PTPRE: variants seen among roughly 807,000 people sequenced by gnomAD.
PTPRE encodes the protein protein tyrosine phosphatase receptor type E.
In PTPRE, 51 loss-of-function variants were observed where a neutral mutation model predicts 102.0. The ratio of observed to expected loss-of-function variants is 0.50; its 90% CI spans 0.40 to 0.63. The LOEUF is 0.63. Ranked by LOEUF, PTPRE falls within the 30% of genes least tolerant of loss-of-function variation. The pLI is 0.00. For synonymous variants in PTPRE, 345 were observed against 348.2 expected, an observed-to-expected ratio of 0.99 and a Z score of 0.10; for missense variants, 752 against 915.1, an observed-to-expected ratio of 0.82 and a Z score of 2.30.
At chr10:128,055,232 A>G (rs1210241683) in intron 6 of PTPRE, among the ~76,000 whole-genome samples, 3 of 152,172 alleles carry the variant, frequency 2.0e-5, no homozygotes, top group Admixed American at 1.3e-4. Context: ...GGCTCTTCAC[A>G]CTGTGCATTG....
At chr10:128,055,174 GC>G (rs1316723707) in intron 6 of PTPRE, among the ~76,000 whole-genome samples, 2 of 152,194 alleles carry the variant, frequency 1.3e-5, no homozygotes, top group African/African-American at 4.8e-5. Flanking sequence ...CCCGGGTCCA[GC>G]CGCTGGTCGG....
At chr10:128,023,324 A>G (rs1268547169) in intron 2 of PTPRE, among the ~76,000 whole-genome samples, 1 of 152,158 alleles carries the variant, frequency 6.6e-6, no homozygotes, top group Non-Finnish European at 1.5e-5. Context: ...GATAGTATAT[A>G]TACATAGTAT....
Position 128,046,854 on chromosome 10 carries a change from G to A in PTPRE, c.110-536G>A, listed in dbSNP as rs114518287. Among the ~76,000 whole-genome samples the A allele has an allele frequency of 2.0e-3, 308 of 152,302 alleles. 4 individuals carry two copies. Among genetic ancestry groups the A allele is most frequent in the African/African-American group, 7.0e-3 (289 of 41,568 alleles). On this transcript the variant is annotated intron_variant, in intron 3 of 20. Coordinates refer to ENST00000254667, the MANE Select transcript of PTPRE (RefSeq NM_006504.6). ...ACACAGTAAGAGGCCGGTGGTGGCTGGGCACTCGGCCTCTGACAGGTGGAA... is the reference window on the plus strand; with the variant it reads ...ACACAGTAAGAGGCCGGTGGTGGCTAGGCACTCGGCCTCTGACAGGTGGAA...
At chr10:128,020,304 T>C (rs1845773000) in intron 2 of PTPRE, among the ~76,000 whole-genome samples, 1 of 152,264 alleles carries the variant, frequency 6.6e-6, no homozygotes, top group African/African-American at 2.4e-5. Context: ...GTGGTACATC[T>C]GCACTAACAC....
Position 128,060,967 on chromosome 10 carries a change from A to C in PTPRE, c.540A>C (p.Gln180His), listed in dbSNP as rs1849535999. The change falls in exon 8 of 21, where the codon CAA becomes CAC. Residue 180 changes from glutamine to histidine, a missense_variant. Gln to His is a conservative substitution (Grantham distance 24). This residue lies in a region of PTPRE where 636 missense variants were observed against 824.4 expected (regional missense o/e 0.77). Coordinates refer to ENST00000254667, the MANE Select transcript of PTPRE (RefSeq NM_006504.6). ...PNDHSRVILS[Q>H]LDGIPCSDYI... ...ACCATTCTAGGGTGATTCTGAGCCA[A>C]CTGGATGGAATTCCCTGTTCAGACT... The C allele has an allele frequency of 3.1e-6, 5 of 1,614,010 alleles. No homozygotes were observed. In the South Asian group the frequency reaches 5.5e-5, roughly 18 times the overall value.
In PTPRE at chr10:127,961,156, C is replaced by T. The variant is rs892480270; in HGVS notation, c.-30-21118C>T. 2.6e-5 allele frequency among the ~76,000 whole-genome samples: 4 copies of T among 152,170 alleles called. No individual in the cohort carries two copies. The East Asian group carries it at 5.8e-4, about 22-fold the overall frequency. ...TTGCGAGGGGTCTTTCTCAGCCACACGTGTCCAGCATGTATGTGGCCTTCT... is the reference window on the plus strand; with the variant it reads ...TTGCGAGGGGTCTTTCTCAGCCACATGTGTCCAGCATGTATGTGGCCTTCT... On this transcript the variant is annotated intron_variant, in intron 1 of 20. Coordinates refer to ENST00000254667, the MANE Select transcript of PTPRE (RefSeq NM_006504.6).
chr10:128,019,278 G>T (rs1845673085), intron 2 of PTPRE, among the ~76,000 whole-genome samples: 1 of 152,258 alleles, frequency 6.6e-6, no homozygotes, highest in Non-Finnish European at 1.5e-5. Flanking sequence ...AGCTGGGGGA[G>T]TGAAGATGGC....
intron 2 of PTPRE, among the ~76,000 whole-genome samples, chr10:128,024,939 C>T (rs764982162): frequency 7.9e-5 from 12 of 151,906 alleles, no homozygotes; most frequent in Non-Finnish European, 1.2e-4. Flanking sequence ...GAGGATCACC[C>T]GAGGCCAGGA....
chr10:127,966,758 C>T (rs1248984076), intron 1 of PTPRE, among the ~76,000 whole-genome samples: 1 of 152,122 alleles, frequency 6.6e-6, no homozygotes, highest in African/African-American at 2.4e-5. Context: ...GCAGCTGAGG[C>T]CTGGACCAAC....
intron 1 of PTPRE, among the ~76,000 whole-genome samples, chr10:127,981,926 C>G (rs1227415093): frequency 2.0e-5 from 3 of 152,096 alleles, no homozygotes; most frequent in Non-Finnish European, 4.4e-5. Context: ...GTAAAAGGCT[C>G]TTCTGGGGGG....
chr10:128,052,571 G>T (rs1848640414), intron 6 of PTPRE, among the ~76,000 whole-genome samples: 1 of 152,116 alleles, frequency 6.6e-6, no homozygotes, highest in African/African-American at 2.4e-5. Context: ...ACCGCACTCT[G>T]CAATCTCCAC....
intron 2 of PTPRE, among the ~76,000 whole-genome samples, chr10:127,997,419 C>G (rs1824337683): frequency 6.6e-6 from 1 of 152,240 alleles, no homozygotes; most frequent in South Asian, 2.1e-4. Flanking sequence ...AACCTGGACT[C>G]AGGGGCTGCA....
chr10:128,060,219 A>C (rs1201118491), intron 7 of PTPRE, among the ~76,000 whole-genome samples: 1 of 149,602 alleles, frequency 6.7e-6, no homozygotes, highest in Non-Finnish European at 1.5e-5. Context: ...CCACACACAC[A>C]CCACACATTA....
intron 2 of PTPRE, among the ~76,000 whole-genome samples, chr10:128,025,662 C>T (rs1334073346): frequency 3.9e-5 from 6 of 152,168 alleles, no homozygotes; most frequent in Non-Finnish European, 8.8e-5. Flanking sequence ...CCAGGAACTC[C>T]CCAAACCCTG....
In PTPRE at chr10:128,008,723, CA is replaced by C. The variant is rs1846408725; in HGVS notation, c.-8+26428del. ...ATGTAAGAAGTAGGAGACGCAGGAT[CA>C]GGGGCACAGAGCTGCCAGCCCTTTC... On this transcript the variant is annotated intron_variant, in intron 2 of 20. Coordinates refer to ENST00000254667, the MANE Select transcript of PTPRE (RefSeq NM_006504.6). The surrounding 1 kb of genome is among the most constrained non-coding windows in gnomAD (Gnocchi z 4.0). Among the ~76,000 whole-genome samples the C allele has an allele frequency of 4.6e-5, 7 of 152,306 alleles. No individual in the cohort carries two copies. The South Asian group carries it at 1.2e-3, about 27-fold the overall frequency.
At chr10:127,952,484 G>A (rs914834461) in intron 1 of PTPRE, among the ~76,000 whole-genome samples, 1 of 152,120 alleles carries the variant, frequency 6.6e-6, no homozygotes, top group African/African-American at 2.4e-5. Context: ...AAAGAGTTAA[G>A]TATTTTACTT....
At chr10:127,915,058 A>T (rs1846116235) in intron 1 of PTPRE, among the ~76,000 whole-genome samples, 1 of 152,248 alleles carries the variant, frequency 6.6e-6, no homozygotes, top group South Asian at 2.1e-4. Context: ...TAGTAACTCA[A>T]TCCAGGCCAA....
intron 2 of PTPRE, chr10:127,999,562 T>A: frequency 1.0e-6 from 1 of 985,436 alleles, no homozygotes; most frequent in African/African-American, 1.7e-5. Flanking sequence ...GACTGCTGAC[T>A]GCACCATCGA....
chr10:128,054,169 C>T (rs141831879), intron 6 of PTPRE, among the ~76,000 whole-genome samples: 1 of 152,280 alleles, frequency 6.6e-6, no homozygotes, highest in African/African-American at 2.4e-5. Flanking sequence ...TGAGCAGTTT[C>T]TCCTATTATT....
Sources: gnomAD v4.1 joint callset for allele counts (sites outside exome capture counted in the v4.1 genomes callset) on GRCh38, gnomAD v4.1.1 for gene constraint, gnomAD v4.1.1 regional missense constraint, Gnocchi (gnomAD v3.1) non-coding constraint, MANE v1.5 for transcripts, NCBI Gene and HGNC (gene_info 2026-07-23, HGNC 2026-07-21) for gene names.